Variants in CTTNBP2 observed in about 807,000 individuals in gnomAD.
CTTNBP2 encodes cortactin binding protein 2, also known as cortactin-binding protein 2.
CTTNBP2 carries 108 observed loss-of-function variants against 156.9 expected under a neutral mutation model. That is an observed-to-expected ratio of 0.69 (90% CI 0.59 to 0.81). The LOEUF (loss-of-function observed/expected upper bound fraction) is 0.81, where lower values mean the gene tolerates loss of function less well. CTTNBP2 is among the 30% of genes least tolerant of loss of function. CTTNBP2 has a pLI of 0.00. For synonymous variants in CTTNBP2, 767 were observed against 751.8 expected (o/e 1.02, Z -0.33); for missense variants, 1,924 against 2,035.4 (o/e 0.95, Z 1.05).
At chr7:117,753,549 A>T (rs1796731125) in intron 12 of CTTNBP2, among the ~76,000 whole-genome samples, 2 of 152,350 alleles carry the variant, frequency 1.3e-5, no homozygotes, top group South Asian at 4.1e-4. Flanking sequence ...TGTGGTACAT[A>T]TACACCATGG....
At chr7:117,839,252 T>C (rs1328796956) in intron 2 of CTTNBP2, among the ~76,000 whole-genome samples, 4 of 152,188 alleles carry the variant, frequency 2.6e-5, no homozygotes, top group African/African-American at 4.8e-5. Flanking sequence ...TGAGTTTATA[T>C]ATGTAGTCTC....
chr7:117,838,341 G>A (rs1245424304), intron 2 of CTTNBP2, among the ~76,000 whole-genome samples: 2 of 152,072 alleles, frequency 1.3e-5, no homozygotes, highest in African/African-American at 4.8e-5. Context: ...TCATAAAATG[G>A]GGCCTGTTAT....
chr7:117,742,991 CTTG>C (rs1419245212), intron 14 of CTTNBP2, among the ~76,000 whole-genome samples: 2 of 152,188 alleles, frequency 1.3e-5, no homozygotes, highest in Non-Finnish European at 2.9e-5. Context: ...CTTCCTGTGG[CTTG>C]TTGTTACTTG....
intron 2 of CTTNBP2, among the ~76,000 whole-genome samples, chr7:117,858,649 G>A (rs1389400596): frequency 6.6e-6 from 1 of 152,234 alleles, no homozygotes; most frequent in African/African-American, 2.4e-5. Context: ...GGGAGGCAGA[G>A]AAAAGATGTG....
Position 117,726,903 on chromosome 7 carries a change from T to C in CTTNBP2, c.4055+1186A>G, listed in dbSNP as rs532394337. 3.0e-4 allele frequency among the ~76,000 whole-genome samples: 46 copies of C among 152,330 alleles called. 1 individual carries two copies. Among genetic ancestry groups the C allele is most frequent in the African/African-American group, 1.0e-3 (43 of 41,584 alleles). The stretch of plus-strand genomic sequence containing the variant: ...GTCCCTAACTCAGCATCCTGAACCA[T>C]GGCAGGCTAACTTGGTAGCTTGCAA... On this transcript the variant is annotated intron_variant, in intron 17 of 22. Coordinates refer to ENST00000160373, the MANE Select transcript of CTTNBP2 (RefSeq NM_033427.3).
At chr7:117,793,209 G>A (rs1404028220) in intron 3 of CTTNBP2, among the ~76,000 whole-genome samples, 3 of 152,072 alleles carry the variant, frequency 2.0e-5, no homozygotes, top group Non-Finnish European at 2.9e-5. Context: ...ACTGAAAACC[G>A]AGGACTTCAG....
chr7:117,716,011 A>AGTGCC (rs1334175757), intron 22 of CTTNBP2: 1 of 150,354 alleles, frequency 6.7e-6, no homozygotes, highest in Admixed American at 6.6e-5. Context: ...TTTCTGAGAA[A>AGTGCC]AACATCATCT....
chr7:117,774,470 C>T (rs1797988988), intron 8 of CTTNBP2, among the ~76,000 whole-genome samples: 2 of 152,158 alleles, frequency 1.3e-5, no homozygotes, highest in Admixed American at 1.3e-4. Context: ...GGTGGGCAAG[C>T]ATTCCTGTCT....
At chr7:117,852,990 G>T (rs1350247736) in intron 2 of CTTNBP2, among the ~76,000 whole-genome samples, 1 of 151,912 alleles carries the variant, frequency 6.6e-6, no homozygotes, top group Non-Finnish European at 1.5e-5. Context: ...CTAAAGTAGG[G>T]GTACTACCAC....
Position 117,873,357 on chromosome 7 carries a change from G to C in CTTNBP2, c.59C>G (p.Ala20Gly). The C allele has an allele frequency of 6.8e-7, 1 of 1,462,400 alleles. No individual in the cohort carries two copies. Among genetic ancestry groups the C allele is most frequent in the Non-Finnish European group, 9.0e-7 (1 of 1,111,826 alleles). 90.6% of individuals were successfully genotyped at this position (1,462,400 alleles called of 1,614,324 possible). A position where few individuals can be genotyped will look rare whatever the true frequency, so the allele number is the denominator to read the frequency against. The change falls in exon 1 of 23, where the codon GCG becomes GGG. Residue 20 changes from alanine to glycine, a missense_variant. By Grantham distance (60) the Ala-to-Gly change is moderately conservative (BLOSUM62 0). Coordinates refer to ENST00000160373, the MANE Select transcript of CTTNBP2 (RefSeq NM_033427.3). Reference sequence around the variant, plus strand: ...TACCGCCGCCTCCGCCGCGGCCCCCGCCGCGTCCTCCGGGGCCCGGGACAA... The same window carrying C: ...TACCGCCGCCTCCGCCGCGGCCCCCCCCGCGTCCTCCGGGGCCCGGGACAA... ...PDLSRAPEDA[A>G]GAAAEAAKKE...
intron 2 of CTTNBP2, among the ~76,000 whole-genome samples, chr7:117,818,873 A>G (rs983969647): frequency 6.6e-6 from 1 of 152,200 alleles, no homozygotes; most frequent in African/African-American, 2.4e-5. Flanking sequence ...AAGAATTTTT[A>G]AGGGTCAAAG....
chr7:117,843,083 C>T (rs2193262), intron 2 of CTTNBP2, among the ~76,000 whole-genome samples: 34,590 of 151,986 alleles, frequency 0.23, 3,996 homozygotes, highest in South Asian at 0.38. Context: ...GTACTAAACA[C>T]GTACAAACTT....
intron 2 of CTTNBP2, among the ~76,000 whole-genome samples, chr7:117,842,715 C>T (rs1235653901): frequency 2.6e-5 from 4 of 152,054 alleles, no homozygotes; most frequent in Non-Finnish European, 5.9e-5. Context: ...ATGGGTATTT[C>T]TGTATAACAC....
intron 8 of CTTNBP2, among the ~76,000 whole-genome samples, chr7:117,773,536 G>A (rs1380774353): frequency 6.6e-6 from 1 of 151,942 alleles, no homozygotes; most frequent in Non-Finnish European, 1.5e-5. Context: ...ATGGAGATAT[G>A]GGTTTGGGAC....
chr7:117,863,732 C>T (rs1276605684), intron 1 of CTTNBP2, among the ~76,000 whole-genome samples: 1 of 152,152 alleles, frequency 6.6e-6, no homozygotes, highest in Non-Finnish European at 1.5e-5. Flanking sequence ...GAAGTAAGTG[C>T]CAAATGAAGG....
intron 3 of CTTNBP2, among the ~76,000 whole-genome samples, chr7:117,806,428 C>T (rs35018893): frequency 0.02 from 3,060 of 152,294 alleles, 31 homozygotes; most frequent in South Asian, 0.045. Context: ...AATACTCTTA[C>T]GACATTTAAC....
intron 2 of CTTNBP2, among the ~76,000 whole-genome samples, chr7:117,817,361 AATATATAT>A (rs59036381): frequency 5.6e-5 from 3 of 53,286 alleles, no homozygotes; most frequent in African/African-American, 1.5e-4. Flanking sequence ...AAAAAAAAAA[AATATATAT>A]ATATATATAT....
intron 2 of CTTNBP2, among the ~76,000 whole-genome samples, chr7:117,820,789 C>A (rs1800916625): frequency 6.6e-6 from 1 of 152,082 alleles, no homozygotes; most frequent in African/African-American, 2.4e-5. Flanking sequence ...CCTTAAAATT[C>A]TTTTTTTAAA....
intron 3 of CTTNBP2, among the ~76,000 whole-genome samples, chr7:117,794,483 T>C (rs1440486793): frequency 6.6e-6 from 1 of 152,240 alleles, no homozygotes; most frequent in Non-Finnish European, 1.5e-5. Context: ...TCACTACTTA[T>C]TTGAGTCAAA....
Sources: gnomAD v4.1 joint callset for allele counts (sites outside exome capture counted in the v4.1 genomes callset) on GRCh38, gnomAD v4.1.1 for gene constraint, MANE v1.5 for transcripts, NCBI Gene and HGNC (gene_info 2026-07-23, HGNC 2026-07-21) for gene names.